The following KIRREL3 variants were observed in gnomAD, a reference collection of about 807,000 sequenced individuals.
KIRREL3 encodes the protein kin of IRRE-like protein 3.
In KIRREL3, 36 loss-of-function variants were observed where a neutral mutation model predicts 89.7. The observed-to-expected ratio is 0.40, with a 90% confidence interval of 0.31 to 0.53. KIRREL3 has a LOEUF of 0.53. Ranked by LOEUF, KIRREL3 falls within the 20% of genes least tolerant of loss-of-function variation. The pLI is 0.49. For synonymous variants in KIRREL3, 445 were observed against 441.4 expected, an observed-to-expected ratio of 1.01 and a Z score of -0.10; for missense variants, 864 against 1,056.6, an observed-to-expected ratio of 0.82 and a Z score of 2.53.
intron 1 of KIRREL3, among the ~76,000 whole-genome samples, chr11:126,893,641 T>A (rs981258714): frequency 9.2e-5 from 14 of 152,220 alleles, no homozygotes; most frequent in African/African-American, 3.4e-4. Flanking sequence ...TCATTTGTTT[T>A]CCTCTGGACT....
At chr11:126,770,662 A>C (rs1359934346) in intron 1 of KIRREL3, among the ~76,000 whole-genome samples, 1 of 151,970 alleles carries the variant, frequency 6.6e-6, no homozygotes, top group Non-Finnish European at 1.5e-5. Flanking sequence ...CACTCCCTCA[A>C]CTCCAGTCTG....
chr11:126,945,646 G>A (rs1436039375), intron 1 of KIRREL3, among the ~76,000 whole-genome samples: 2 of 152,112 alleles, frequency 1.3e-5, no homozygotes, highest in African/African-American at 4.8e-5. Flanking sequence ...ACAGACAGAT[G>A]TTCCCTCCTC....
Position 126,837,687 on chromosome 11 carries a change from C to A in KIRREL3, c.55+162768G>T, listed in dbSNP as rs1943827730. ...GGTAGGCTAACTAAAAGTAATTTTA[C>A]AAAAGATGTCAGTGGTCTGGCAACG... On this transcript the variant is annotated intron_variant, in intron 1 of 16. Coordinates refer to ENST00000525144, the MANE Select transcript of KIRREL3 (RefSeq NM_032531.4). The surrounding 1 kb of genome is among the most constrained non-coding windows in gnomAD (Gnocchi z 4.7). Among the ~76,000 whole-genome samples the A allele has an allele frequency of 6.6e-6, 1 of 152,180 alleles. No homozygotes were observed. The highest frequency in any genetic ancestry group is 1.9e-4 in the East Asian group (1 of 5,202).
At chr11:126,819,111 C>G (rs1951682597) in intron 1 of KIRREL3, among the ~76,000 whole-genome samples, 1 of 37,558 alleles carries the variant, frequency 2.7e-5, no homozygotes, top group South Asian at 1.6e-3. Flanking sequence ...CCCAACCAGC[C>G]CAGTGAAGAG....
chr11:126,544,736 A>C lies in KIRREL3; in HGVS notation c.134-18049T>G, dbSNP rs776804832. On this transcript the variant is annotated intron_variant, in intron 2 of 16. Coordinates refer to ENST00000525144, the MANE Select transcript of KIRREL3 (RefSeq NM_032531.4). The surrounding 1 kb of genome is among the most constrained non-coding windows in gnomAD (Gnocchi z 5.6). Reference sequence around the variant, plus strand: ...GTGCAGGGAGCTGTCCTTGGTTGGCAGCATCAAGATAATCGCCTAAGCCCT... The same window carrying C: ...GTGCAGGGAGCTGTCCTTGGTTGGCCGCATCAAGATAATCGCCTAAGCCCT... 1.3e-5 allele frequency among the ~76,000 whole-genome samples: 2 copies of C among 152,180 alleles called. No homozygotes were observed. The highest frequency in any genetic ancestry group is 6.5e-5 in the Admixed American group (1 of 15,282).
rs1033764329 is a variant in KIRREL3 at position 126,476,390 on chromosome 11, G to A, written c.434-2924C>T. 7.9e-5 allele frequency among the ~76,000 whole-genome samples: 12 copies of A among 152,278 alleles called. No individual in the cohort carries two copies. The highest frequency in any genetic ancestry group is 2.1e-4 in the South Asian group (1 of 4,824). ...ACAGTGCAGCCACCAAGGCCTTCCC[G>A]AGAATCCAAGACCCAGAGGACGGGC... is the stretch of plus-strand genomic sequence containing the variant. On this transcript the variant is annotated intron_variant, in intron 4 of 16. Transcript: ENST00000525144. This position sits in a 1 kb window ranked among gnomAD's most constrained non-coding sequence, Gnocchi z 6.4.
chr11:126,636,261 T>C lies in KIRREL3; in HGVS notation c.56-73349A>G, dbSNP rs1944260000. Reference sequence around the variant, plus strand: ...AGCATTCAATAAATGTGGACTATTATTGTTATTTCCTTTTTGAGCTAGTTG... The same window carrying C: ...AGCATTCAATAAATGTGGACTATTACTGTTATTTCCTTTTTGAGCTAGTTG... On this transcript the variant is annotated intron_variant, in intron 1 of 16. Coordinates refer to ENST00000525144, the MANE Select transcript of KIRREL3 (RefSeq NM_032531.4). The surrounding 1 kb of genome is among the most constrained non-coding windows in gnomAD (Gnocchi z 4.4). 6.6e-6 allele frequency among the ~76,000 whole-genome samples: 1 copy of C among 152,252 alleles called. No homozygotes were observed. The highest frequency in any genetic ancestry group is 2.1e-4 in the South Asian group (1 of 4,836).
chr11:126,826,604 C>T (rs370643884), intron 1 of KIRREL3, among the ~76,000 whole-genome samples: 27 of 152,236 alleles, frequency 1.8e-4, no homozygotes, highest in African/African-American at 3.6e-4. Flanking sequence ...TGAACTTTCA[C>T]GGCTAAGAAG....
chr11:126,789,676 C>T (rs984296268), intron 1 of KIRREL3, among the ~76,000 whole-genome samples: 1 of 152,204 alleles, frequency 6.6e-6, no homozygotes, highest in African/African-American at 2.4e-5. Context: ...AGGAAGCATT[C>T]CACCACAGTG....
chr11:126,584,179 C>T (rs539732317), intron 1 of KIRREL3, among the ~76,000 whole-genome samples: 10 of 152,252 alleles, frequency 6.6e-5, no homozygotes, highest in South Asian at 2.1e-4. Context: ...ATTCTGCAGG[C>T]GTGGGCTGCG....
chr11:126,457,183 T>TTGTGTGTG (rs1267466941), intron 6 of KIRREL3, among the ~76,000 whole-genome samples: 11 of 70,662 alleles, frequency 1.6e-4, no homozygotes, highest in African/African-American at 3.9e-4. Context: ...GGAAGAGAGA[T>TTGTGTGTG]TATGTGTGTG....
Position 126,427,741 on chromosome 11 carries a change from G to A in KIRREL3, c.1806+1438C>T, listed in dbSNP as rs1403034131. Among the ~76,000 whole-genome samples, 1 of 152,186 alleles carries A rather than the reference G, an allele frequency of 6.6e-6. No individual in the cohort carries two copies. Among genetic ancestry groups the A allele is most frequent in the East Asian group, 1.9e-4 (1 of 5,192 alleles). ...AGGGATTTTAAGTGGGCAAGTAACA[G>A]GACCAGATTTGCATTTTAGAAAGGC... On this transcript the variant is annotated intron_variant, in intron 15 of 16. Transcript: ENST00000525144. This position sits in a 1 kb window ranked among gnomAD's most constrained non-coding sequence, Gnocchi z 5.3.
intron 11 of KIRREL3, among the ~76,000 whole-genome samples, chr11:126,439,517 T>TA (rs1591533631): frequency 6.7e-6 from 1 of 149,298 alleles, no homozygotes; most frequent in African/African-American, 2.5e-5. Context: ...ACCCTCCCTT[T>TA]AAAAAAATGC....
rs11220541 is a variant in KIRREL3 at position 126,562,628 on chromosome 11, C to G, written c.133+207G>C. 6.6e-6 allele frequency among the ~76,000 whole-genome samples: 1 copy of G among 151,932 alleles called. No homozygotes were observed. Among genetic ancestry groups the G allele is most frequent in the Admixed American group, 6.5e-5 (1 of 15,268 alleles). On this transcript the variant is annotated intron_variant, in intron 2 of 16. Transcript: ENST00000525144. This position sits in a 1 kb window ranked among gnomAD's most constrained non-coding sequence, Gnocchi z 4.7. ...AGGGAAGATTGCATAAAGAAAATGC[C>G]CCTGAATCAGCATCCTGTGTTTCAG... is the stretch of plus-strand genomic sequence containing the variant.
At position 126,462,536 on chromosome 11, in the gene KIRREL3, A is replaced by G. The variant is rs1360449043; in HGVS notation, c.742+621T>C. On this transcript the variant is annotated intron_variant, in intron 6 of 16. Coordinates refer to ENST00000525144, the MANE Select transcript of KIRREL3 (RefSeq NM_032531.4). This position sits in a 1 kb window ranked among gnomAD's most constrained non-coding sequence, Gnocchi z 4.8. ...AGAAATTAGCTGGGTGTAGTGATGG[A>G]TGCCTGTCATCCCAGCTACTCAGGC... is the stretch of plus-strand genomic sequence containing the variant. Among the ~76,000 whole-genome samples the G allele has an allele frequency of 6.6e-6, 1 of 152,140 alleles. No individual in the cohort carries two copies. Among genetic ancestry groups the G allele is most frequent in the Non-Finnish European group, 1.5e-5 (1 of 68,024 alleles).
chr11:126,460,976 G>T (rs573490786), intron 6 of KIRREL3, among the ~76,000 whole-genome samples: 1 of 152,194 alleles, frequency 6.6e-6, no homozygotes, highest in Non-Finnish European at 1.5e-5. Context: ...GCAGTGAATC[G>T]AATGGCAGCC....
chr11:126,828,298 G>A (rs1943485404), intron 1 of KIRREL3, among the ~76,000 whole-genome samples: 1 of 152,126 alleles, frequency 6.6e-6, no homozygotes, highest in African/African-American at 2.4e-5. Context: ...ATGCTGGCAA[G>A]GTGATGCGAC....
intron 4 of KIRREL3, among the ~76,000 whole-genome samples, chr11:126,480,550 T>C (rs575720848): frequency 6.6e-6 from 1 of 152,360 alleles, no homozygotes; most frequent in South Asian, 2.1e-4. Context: ...ATTTTGACCC[T>C]ACAACATGTT....
At chr11:126,554,359 C>CATAAGCCCCAGGA (rs1368424008) in intron 2 of KIRREL3, among the ~76,000 whole-genome samples, 2 of 152,090 alleles carry the variant, frequency 1.3e-5, no homozygotes, top group Non-Finnish European at 2.9e-5. Context: ...AGGTGTTTGC[C>CATAAGCCCCAGGA]ATAAGCCCCA....
Sources: allele counts gnomAD v4.1 joint callset (sites outside exome capture counted in the v4.1 genomes callset), GRCh38; gene constraint gnomAD v4.1.1; non-coding constraint Gnocchi (gnomAD v3.1); transcripts MANE v1.5; gene names NCBI Gene and HGNC (gene_info 2026-07-23, HGNC 2026-07-21).